The following ADAMTSL1 variants were observed in gnomAD, a reference collection of about 807,000 sequenced individuals.
ADAMTSL1 encodes ADAMTS-like protein 1.
ADAMTSL1 carries 126 observed loss-of-function variants against 201.8 expected under a neutral mutation model. That is an observed-to-expected ratio of 0.62 (90% CI 0.54 to 0.72). The LOEUF (loss-of-function observed/expected upper bound fraction) is 0.72, where lower values mean the gene tolerates loss of function less well. ADAMTSL1 is among the 30% of genes least tolerant of loss of function. The pLI is 0.00. For missense variants in ADAMTSL1, 2,679 were observed against 2,277.8 expected (o/e 1.18, Z -3.59); for synonymous variants, 1,121 against 903.4 (o/e 1.24, Z -4.32).
At chr9:18,802,397 T>A (rs1271576051) in intron 20 of ADAMTSL1, among the ~76,000 whole-genome samples, 1 of 152,244 alleles carries the variant, frequency 6.6e-6, no homozygotes, top group African/African-American at 2.4e-5. Flanking sequence ...CTTTCAGCTC[T>A]ATGCAACCAC....
At chr9:18,794,028 A>T (rs1424626255) in intron 19 of ADAMTSL1, among the ~76,000 whole-genome samples, 2 of 101,142 alleles carry the variant, frequency 2.0e-5, no homozygotes, top group South Asian at 3.6e-4. Flanking sequence ...TTTTCAGATT[A>T]AAAAAAAAAA....
intron 1 of ADAMTSL1, among the ~76,000 whole-genome samples, chr9:18,163,656 G>T (rs117092840): frequency 2.0e-5 from 3 of 151,988 alleles, no homozygotes; most frequent in African/African-American, 7.2e-5. Flanking sequence ...CACCAATTTA[G>T]CAGGGGATGT....
chr9:18,181,231 G>C (rs1235457411), intron 2 of ADAMTSL1, among the ~76,000 whole-genome samples: 1 of 152,174 alleles, frequency 6.6e-6, no homozygotes, highest in Admixed American at 6.5e-5. Flanking sequence ...CATGGGCAAG[G>C]ACTTCATGTC....
chr9:17,941,870 C>G (rs1351528837), intron 1 of ADAMTSL1, among the ~76,000 whole-genome samples: 1 of 152,094 alleles, frequency 6.6e-6, no homozygotes, highest in Non-Finnish European at 1.5e-5. Context: ...CTCCCTGCTT[C>G]ATAGAAGGCT....
chr9:18,747,416 G>A (rs904223180), intron 15 of ADAMTSL1, among the ~76,000 whole-genome samples: 2 of 151,854 alleles, frequency 1.3e-5, no homozygotes, highest in African/African-American at 2.4e-5. Context: ...TAAATCCACA[G>A]AGCTGGTCCC....
chr9:18,661,967 C>A lies in ADAMTSL1; in HGVS notation c.979C>A (p.Leu327Met), dbSNP rs748749844. The part of the protein sequence containing the change: ...YQLTSAECYD[L>M]RSNRVVADQY... The stretch of plus-strand genomic sequence containing the variant: ...GCTGACATCGGCTGAGTGCTACGAT[C>A]TGAGGAGCAACCGTGTGGTTGCTGA... Residue 327 changes from leucine to methionine, a missense_variant, in exon 9 of 29, where the codon CTG becomes ATG. Physicochemically the swap from Leu to Met is conservative, Grantham distance 15. Transcript: ENST00000380548. 1.9e-6 allele frequency: 3 copies of A among 1,613,950 alleles called. No individual in the cohort carries two copies. Among genetic ancestry groups the A allele is most frequent in the South Asian group, 1.1e-5 (1 of 91,050 alleles).
intron 4 of ADAMTSL1, among the ~76,000 whole-genome samples, chr9:18,576,390 G>T (rs1822727459): frequency 6.6e-6 from 1 of 152,174 alleles, no homozygotes; most frequent in East Asian, 1.9e-4. Flanking sequence ...CAGGACTGTG[G>T]TAAACCATGG....
At chr9:18,031,244 C>T (rs986262907) in intron 1 of ADAMTSL1, among the ~76,000 whole-genome samples, 2 of 152,160 alleles carry the variant, frequency 1.3e-5, no homozygotes, top group South Asian at 2.1e-4. Flanking sequence ...AGAGTTCTTG[C>T]ACTGATTCCT....
rs1819608633 is a variant in ADAMTSL1, at chr9:18,433,938, T to C, written c.208-70891T>C. Among the ~76,000 whole-genome samples, 3 of 152,236 alleles carry C rather than the reference T, an allele frequency of 2.0e-5. No homozygotes were observed. The South Asian group carries it at 6.2e-4, about 32-fold the overall frequency. ...TTTAGGGGAATGCTAATTGCAATTC[T>C]CATATCTTTTCACCAATCCAAAGAG... is the stretch of plus-strand genomic sequence containing the variant. On this transcript the variant is annotated intron_variant, in intron 2 of 29. Coordinates refer to the ADAMTSL1 transcript ENST00000680146.
chr9:18,326,235 A>T (rs1477988703), intron 2 of ADAMTSL1, among the ~76,000 whole-genome samples: 2 of 152,208 alleles, frequency 1.3e-5, no homozygotes. Context: ...GGCAAAACTT[A>T]TCTATAGTAA....
At chr9:18,076,677 G>A (rs1385965693) in intron 1 of ADAMTSL1, among the ~76,000 whole-genome samples, 1 of 152,222 alleles carries the variant, frequency 6.6e-6, no homozygotes, top group Non-Finnish European at 1.5e-5. Context: ...ATGTTGGCCA[G>A]TGTGGCAATG....
intron 1 of ADAMTSL1, among the ~76,000 whole-genome samples, chr9:18,102,684 G>A (rs568426408): frequency 2.1e-4 from 32 of 152,276 alleles, no homozygotes; most frequent in East Asian, 3.9e-4. Flanking sequence ...AAATCATGGC[G>A]TGTGTCCAGT....
At chr9:18,338,102 C>T (rs1835317796) in intron 2 of ADAMTSL1, among the ~76,000 whole-genome samples, 1 of 152,172 alleles carries the variant, frequency 6.6e-6, no homozygotes, top group African/African-American at 2.4e-5. Flanking sequence ...TCTACTACCT[C>T]AACCGGGCCC....
chr9:17,966,838 T>C (rs1688561885), intron 1 of ADAMTSL1, among the ~76,000 whole-genome samples: 1 of 152,144 alleles, frequency 6.6e-6, no homozygotes, highest in African/African-American at 2.4e-5. Flanking sequence ...TACCTAATAG[T>C]ACAGTTCATG....
chr9:18,127,766 G>A (rs1281014221), intron 1 of ADAMTSL1, among the ~76,000 whole-genome samples: 2 of 152,156 alleles, frequency 1.3e-5, no homozygotes, highest in African/African-American at 4.8e-5. Flanking sequence ...CACACAGATA[G>A]TAGAAAATGG....
chr9:17,990,617 G>A (rs1273725368), intron 1 of ADAMTSL1, among the ~76,000 whole-genome samples: 3 of 151,704 alleles, frequency 2.0e-5, no homozygotes, highest in Non-Finnish European at 4.4e-5. Context: ...TAATTTCCTG[G>A]TTGTCACGTT....
chr9:18,099,900 A>G (rs1214566552), intron 1 of ADAMTSL1, among the ~76,000 whole-genome samples: 2 of 152,130 alleles, frequency 1.3e-5, no homozygotes, highest in East Asian at 3.9e-4. Context: ...TGCAAGGATT[A>G]CAGGTGTGAG....
intron 1 of ADAMTSL1, among the ~76,000 whole-genome samples, chr9:17,990,770 T>G (rs1819121949): frequency 6.6e-6 from 1 of 152,136 alleles, no homozygotes; most frequent in Admixed American, 6.6e-5. Flanking sequence ...GTTTTGCTTT[T>G]GAAATTACAT....
At chr9:18,168,316 C>G (rs1367373261) in intron 2 of ADAMTSL1, among the ~76,000 whole-genome samples, 1 of 152,102 alleles carries the variant, frequency 6.6e-6, no homozygotes, top group African/African-American at 2.4e-5. Context: ...TGATGTTCCC[C>G]TTCCTGTGTC....
Sources: allele counts gnomAD v4.1 joint callset (sites outside exome capture counted in the v4.1 genomes callset), GRCh38; gene constraint gnomAD v4.1.1; transcripts MANE v1.5; gene names NCBI Gene and HGNC (gene_info 2026-07-23, HGNC 2026-07-21).